CD9: variants seen among roughly 807,000 people sequenced by gnomAD.
CD9 encodes CD9 molecule.
In CD9, 10 loss-of-function variants were observed where a neutral mutation model predicts 31.4. That is an observed-to-expected ratio of 0.32 (90% CI 0.20 to 0.54). The LOEUF (loss-of-function observed/expected upper bound fraction) is 0.54. Among genes scored for constraint, CD9 ranks in the 20% least tolerant of loss-of-function variants. The pLI is 0.94. For missense variants in CD9, 259 were observed against 300.1 expected, an observed-to-expected ratio of 0.86 and a Z score of 1.01; for synonymous variants, 113 against 114.1, an observed-to-expected ratio of 0.99 and a Z score of 0.06.
intron 6 of CD9, chr12:6,235,787 G>A (rs556083794): frequency 3.2e-5 from 45 of 1,389,222 alleles, no homozygotes; most frequent in East Asian, 5.3e-5. Context: ...TTCTGGCACC[G>A]CCCACTGCTG....
rs115116741 is a variant in CD9 at position 6,213,998 on chromosome 12, A to C, written c.67-11428A>C. On this transcript the variant is annotated intron_variant, in intron 1 of 7. Coordinates refer to ENST00000009180, the MANE Select transcript of CD9 (RefSeq NM_001769.4). The stretch of plus-strand genomic sequence containing the variant: ...CGTCCAAGCCTCCCACTTGTCCCCC[A>C]AGAAAATTTCTCAGGGATTCACATC... Among the ~76,000 whole-genome samples, 846 of 152,326 alleles carry C rather than the reference A, an allele frequency of 5.6e-3. 13 individuals carry two copies. The highest frequency in any genetic ancestry group is 0.018 in the African/African-American group (768 of 41,568).
chr12:6,227,848 CAG>C (rs2136629268), intron 2 of CD9, among the ~76,000 whole-genome samples: 1 of 152,306 alleles, frequency 6.6e-6, no homozygotes, highest in South Asian at 2.1e-4. Flanking sequence ...AAATTGCAGT[CAG>C]GGAGAGAAAC....
intron 7 of CD9, among the ~76,000 whole-genome samples, chr12:6,237,255 G>A (rs1027187740): frequency 6.6e-6 from 1 of 152,266 alleles, no homozygotes; most frequent in African/African-American, 2.4e-5. Context: ...GATTACAGGC[G>A]TGAGCCACTG....
At chr12:6,219,513 T>C (rs1946272695) in intron 1 of CD9, among the ~76,000 whole-genome samples, 1 of 151,296 alleles carries the variant, frequency 6.6e-6, no homozygotes, top group Non-Finnish European at 1.5e-5. Flanking sequence ...TGAGATGGAG[T>C]CTTGCTCTGT....
chr12:6,236,603 TCTC>T, intron 7 of CD9: 1 of 436,320 alleles, frequency 2.3e-6, no homozygotes, highest in Non-Finnish European at 4.0e-6. Flanking sequence ...CTGCTGTTCT[TCTC>T]CCTAAGAAAG....
intron 1 of CD9, among the ~76,000 whole-genome samples, chr12:6,209,830 A>T (rs1434630437): frequency 6.6e-6 from 1 of 151,930 alleles, no homozygotes; most frequent in Non-Finnish European, 1.5e-5. Flanking sequence ...GATTACAGGC[A>T]TGTACCACCA....
chr12:6,211,519 G>A (rs1177508315), intron 1 of CD9, among the ~76,000 whole-genome samples: 2 of 152,200 alleles, frequency 1.3e-5, no homozygotes, highest in East Asian at 1.9e-4. Context: ...GTCAAGGAAG[G>A]AGCATCTCCC....
intron 1 of CD9, among the ~76,000 whole-genome samples, chr12:6,215,751 T>G (rs750364430): frequency 4.6e-5 from 7 of 152,194 alleles, no homozygotes; most frequent in Non-Finnish European, 8.8e-5. Context: ...GCTTTTCAAC[T>G]TGGCTGTAGT....
At chr12:6,235,947 C>G (rs542256619) in intron 6 of CD9, 1 of 1,404,020 alleles carries the variant, frequency 7.1e-7, no homozygotes, top group African/African-American at 1.4e-5. Context: ...AATAGACCCC[C>G]AAGCAGGGCC....
chr12:6,223,425 A>G lies in CD9; in HGVS notation c.67-2001A>G, dbSNP rs375139607. On this transcript the variant is annotated intron_variant, in intron 1 of 7. Transcript: ENST00000009180. ...TACAGGCGCCCGCCACCACGCCTGG[A>G]GAATTTTTTGTATTTTTAGTGGAGA... is the stretch of plus-strand genomic sequence containing the variant. Among the ~76,000 whole-genome samples the G allele has an allele frequency of 9.4e-4, 143 of 152,008 alleles. 4 individuals carry two copies. In the South Asian group the frequency reaches 0.029, roughly 30 times the overall value.
intron 4 of CD9, 50 bp from the exon 5 acceptor site, chr12:6,235,179 G>A: frequency 7.8e-7 from 1 of 1,277,826 alleles, no homozygotes; most frequent in Non-Finnish European, 1.1e-6. Flanking sequence ...TGTTCGTGGA[G>A]GAAGATGTGA....
intron 1 of CD9, among the ~76,000 whole-genome samples, chr12:6,221,813 CAAA>C (rs34034952): frequency 4.8e-5 from 3 of 62,050 alleles, no homozygotes; most frequent in African/African-American, 7.5e-5. Context: ...CCTGGCTCTA[CAAA>C]AAAAAAAAAA....
chr12:6,236,748 T>C, intron 7 of CD9: 1 of 333,590 alleles, frequency 3.0e-6, no homozygotes, highest in East Asian at 4.6e-5. Flanking sequence ...TTCCTTGGGG[T>C]CATGTCCTCT....
intron 1 of CD9, among the ~76,000 whole-genome samples, chr12:6,201,657 C>T (rs1402529466): frequency 2.0e-5 from 3 of 152,248 alleles, no homozygotes; most frequent in East Asian, 3.8e-4. Context: ...CAATACTTGC[C>T]GCTCTGCAGG....
intron 1 of CD9, among the ~76,000 whole-genome samples, chr12:6,216,728 C>T (rs1007201876): frequency 6.6e-6 from 1 of 152,086 alleles, no homozygotes; most frequent in African/African-American, 2.4e-5. Flanking sequence ...CACTACCCAG[C>T]GCTCACACAG....
chr12:6,209,913 G>C (rs1357817282), intron 1 of CD9, among the ~76,000 whole-genome samples: 1 of 152,078 alleles, frequency 6.6e-6, no homozygotes, highest in Non-Finnish European at 1.5e-5. Context: ...TCGAACTGCT[G>C]ACCTCAGGTG....
chr12:6,227,917 G>C lies in CD9; in HGVS notation c.175+2383G>C, dbSNP rs574819325. ...AGGTGGGAAAGCTGCAGGGTGGCAG[G>C]AGAATGGTGAGTGCCATTAGAGGAG... On this transcript the variant is annotated intron_variant, in intron 2 of 7. Coordinates refer to ENST00000009180, the MANE Select transcript of CD9 (RefSeq NM_001769.4). 9.2e-5 allele frequency among the ~76,000 whole-genome samples: 14 copies of C among 152,356 alleles called. No individual in the cohort carries two copies. In the South Asian group the frequency reaches 2.9e-3, roughly 32 times the overall value.
chr12:6,218,047 A>C (rs1946259073), intron 1 of CD9, among the ~76,000 whole-genome samples: 1 of 152,020 alleles, frequency 6.6e-6, no homozygotes, highest in African/African-American at 2.4e-5. Flanking sequence ...CAACATGGGG[A>C]AACTTCATCT....
chr12:6,211,012 ATT>A (rs1165571876), intron 1 of CD9, among the ~76,000 whole-genome samples: 1 of 151,564 alleles, frequency 6.6e-6, no homozygotes, highest in Non-Finnish European at 1.5e-5. Flanking sequence ...ATTTTTTTAT[ATT>A]TTTAGTAGAG....
Sources: allele counts gnomAD v4.1 joint callset (sites outside exome capture counted in the v4.1 genomes callset), GRCh38; gene constraint gnomAD v4.1.1; transcripts MANE v1.5; gene names NCBI Gene and HGNC (gene_info 2026-07-23, HGNC 2026-07-21).